Variants in NLRP13 observed in about 807,000 individuals in gnomAD.
The protein encoded by NLRP13 is NLR family pyrin domain containing 13, also known as NACHT, LRR and PYD domains-containing protein 13.
In NLRP13, 82 loss-of-function variants were observed where a neutral mutation model predicts 94.4. That is an observed-to-expected ratio of 0.87 (90% confidence interval 0.73 to 1.04). NLRP13 has a LOEUF of 1.04. Ranked by LOEUF, NLRP13 falls within the 50% of genes least tolerant of loss-of-function variation. NLRP13 has a pLI of 0.00. For missense variants in NLRP13, 1,426 were observed against 1,230.8 expected, an observed-to-expected ratio of 1.16 and a Z score of -2.37; for synonymous variants, 553 against 464.7, an observed-to-expected ratio of 1.19 and a Z score of -2.45.
chr19:55,911,100 G>C (rs1269117213), intron 5 of NLRP13, among the ~76,000 whole-genome samples: 3 of 152,172 alleles, frequency 2.0e-5, no homozygotes, highest in African/African-American at 7.2e-5. Context: ...TGATCCACTG[G>C]GAGGGCTGAC....
chr19:55,926,125 T>C (rs957650398), intron 1 of NLRP13, among the ~76,000 whole-genome samples: 2 of 152,210 alleles, frequency 1.3e-5, no homozygotes, highest in Non-Finnish European at 2.9e-5. Flanking sequence ...GCCAACTGTT[T>C]GACATGTGGC....
At chr19:55,895,888 C>G, downstream of NLRP13, 1 of 1,550,760 alleles carries the variant, frequency 6.4e-7, no homozygotes, top group East Asian at 2.2e-5. Flanking sequence ...GCTCTAGAAG[C>G]CTAGTCAATC....
intron 10 of NLRP13, among the ~76,000 whole-genome samples, chr19:55,898,199 TGTTTTTG>T (rs1302618014): frequency 2.9e-4 from 16 of 54,348 alleles, no homozygotes; most frequent in Non-Finnish European, 4.5e-4. Flanking sequence ...GGAGAGTTTT[TGTTTTTG>T]TTTTTGTTTT....
At chr19:55,921,884 T>C (rs1417866336) in intron 4 of NLRP13, among the ~76,000 whole-genome samples, 1 of 152,206 alleles carries the variant, frequency 6.6e-6, no homozygotes, top group South Asian at 2.1e-4. Flanking sequence ...CCCAGAGCCT[T>C]TCTACTGACA....
intron 1 of NLRP13, among the ~76,000 whole-genome samples, chr19:55,931,334 A>T (rs1987127787): frequency 6.6e-6 from 1 of 152,110 alleles, no homozygotes; most frequent in Non-Finnish European, 1.5e-5. Context: ...GGGCAAAACC[A>T]TGCATAAGCT....
chr19:55,913,634 A>ACATAAGAG (rs1986602538), intron 4 of NLRP13, among the ~76,000 whole-genome samples: 1 of 151,866 alleles, frequency 6.6e-6, no homozygotes, highest in Admixed American at 6.6e-5. Context: ...ATACAGAATA[A>ACATAAGAG]CATAAGAGCG....
chr19:55,922,953 C>G (rs1986869694), intron 4 of NLRP13, among the ~76,000 whole-genome samples: 1 of 152,200 alleles, frequency 6.6e-6, no homozygotes, highest in African/African-American at 2.4e-5. Flanking sequence ...GAGCAGACCT[C>G]AAGAGCTGGC....
At chr19:55,894,637 A>G (rs181323553), downstream of NLRP13, among the ~76,000 whole-genome samples, 24 of 152,264 alleles carry the variant, frequency 1.6e-4, 1 homozygote, top group African/African-American at 4.3e-4. Flanking sequence ...ATCTCAACCC[A>G]GAGTTTCTTT....
chr19:55,901,988 A>G (rs1458465731), intron 9 of NLRP13, 47 bp downstream of exon 9: 5 of 1,597,974 alleles, frequency 3.1e-6, no homozygotes, highest in Non-Finnish European at 4.3e-6. Context: ...GTCAATTCCC[A>G]TGGCTCTCCT....
rs534944433 is a variant in NLRP13, at chr19:55,921,601, A to T, written c.523+2313T>A. Among the ~76,000 whole-genome samples the T allele has an allele frequency of 2.6e-5, 4 of 152,344 alleles. No individual in the cohort carries two copies. The South Asian group carries it at 8.3e-4, about 32-fold the overall frequency. ...ACACATCCATACAAAGGTATATGGC[A>T]AAAGAATAATAAATATTACCTGTTA... On this transcript the variant is annotated intron_variant, in intron 4 of 10. Transcript: ENST00000342929.
At chr19:55,919,983 C>A (rs1461401139) in intron 4 of NLRP13, among the ~76,000 whole-genome samples, 1 of 151,978 alleles carries the variant, frequency 6.6e-6, no homozygotes, top group Non-Finnish European at 1.5e-5. Context: ...CAAAAATAAA[C>A]ATAGATCAAT....
At chr19:55,898,139 G>C (rs1313039360) in intron 10 of NLRP13, among the ~76,000 whole-genome samples, 1 of 151,662 alleles carries the variant, frequency 6.6e-6, no homozygotes, top group African/African-American at 2.4e-5. Flanking sequence ...GTGGTAACAA[G>C]AGTAAAACAC....
rs991545844 is a variant in NLRP13 at position 55,907,730 on chromosome 19, T to C, written c.2447+62A>G. ...GAGTGCTGTCAGCCCTCCCAGTGGA[T>C]CGTGGAAGCTACTGGTGGTCTTGCA... On this transcript the variant is annotated intron_variant, in intron 7 of 10. Coordinates refer to ENST00000342929, the MANE Select transcript of NLRP13 (RefSeq NM_176810.2). 5.9e-6 allele frequency: 9 copies of C among 1,520,824 alleles called. No individual in the cohort carries two copies. In the Admixed American group the frequency reaches 1.2e-4, roughly 21 times the overall value. The allele number at this position is 1,520,824 out of a possible 1,614,324, so 94.2% of individuals were successfully genotyped here. A position where few individuals can be genotyped will look rare whatever the true frequency, so the allele number is the denominator to read the frequency against.
intron 10 of NLRP13, 30 bp downstream of exon 10, chr19:55,898,740 G>A (rs776592720): frequency 6.4e-7 from 1 of 1,566,042 alleles, no homozygotes; most frequent in African/African-American, 1.4e-5. Flanking sequence ...AGAGAAGGAA[G>A]ACTCTGCAAG....
rs1986554878 is a variant in NLRP13, at chr19:55,912,618, T to G, written c.1199A>C (p.Asp400Ala). ...GATTTTCTCAACTTCACTTGAGTCA[T>G]CAAAGTGTCTCATGAAATATACCCG... ...DLRVYFMRHF[D>A]DSSEVEKILQ... The change falls in exon 5 of 11, where the codon GAT becomes GCT. Residue 400 changes from aspartate to alanine, a missense_variant. Coordinates refer to ENST00000342929, the MANE Select transcript of NLRP13 (RefSeq NM_176810.2). The G allele has an allele frequency of 6.2e-7, 1 of 1,614,180 alleles. No homozygotes were observed. The highest frequency in any genetic ancestry group is 1.1e-5 in the South Asian group (1 of 91,080).
intron 8 of NLRP13, among the ~76,000 whole-genome samples, chr19:55,903,459 G>C (rs1288986933): frequency 6.6e-6 from 1 of 152,130 alleles, no homozygotes; most frequent in Admixed American, 6.6e-5. Context: ...GCACGATGCA[G>C]CTAGAGAAGA....
At chr19:55,901,953 C>T in intron 9 of NLRP13, 82 bp downstream of exon 9, 1 of 1,436,458 alleles carries the variant, frequency 7.0e-7, no homozygotes, top group Non-Finnish European at 9.6e-7. Context: ...CATTCAAACC[C>T]CATCAGGAAC....
At chr19:55,901,477 TC>T (rs1237075645) in intron 9 of NLRP13, among the ~76,000 whole-genome samples, 1 of 152,090 alleles carries the variant, frequency 6.6e-6, no homozygotes, top group African/African-American at 2.4e-5. Flanking sequence ...CTAGTTTTCT[TC>T]CCAAATAAGG....
chr19:55,908,034 G>T lies in NLRP13; in HGVS notation c.2283-78C>A, dbSNP rs548281122. 70 of 1,315,112 alleles carry T rather than the reference G, an allele frequency of 5.3e-5. 1 individual carries two copies. The East Asian group carries it at 1.5e-3, about 28-fold the overall frequency. The allele number at this position is 1,315,112 out of a possible 1,614,324, so 81.5% of individuals were successfully genotyped here. A position where few individuals can be genotyped will look rare whatever the true frequency, so the allele number is the denominator to read the frequency against. ...AGGATCCCGTCTGCCTCCTCACCCT[G>T]CCTTCTACTACACTCACTGCCAAGG... On this transcript the variant is annotated intron_variant, in intron 6 of 10. Coordinates refer to ENST00000342929, the MANE Select transcript of NLRP13 (RefSeq NM_176810.2).
Sources: allele counts gnomAD v4.1 joint callset (sites outside exome capture counted in the v4.1 genomes callset), GRCh38; gene constraint gnomAD v4.1.1; transcripts MANE v1.5; gene names NCBI Gene and HGNC (gene_info 2026-07-23, HGNC 2026-07-21).